The following TMEM62 variants were observed in gnomAD, a reference collection of about 807,000 sequenced individuals.
TMEM62 encodes the protein transmembrane protein 62.
A neutral mutation model predicts 70.4 loss-of-function variants in TMEM62; 41 were observed. The observed-to-expected ratio is 0.58, with a 90% CI of 0.45 to 0.76. The LOEUF (loss-of-function observed/expected upper bound fraction) is 0.76, where lower values mean the gene tolerates loss of function less well. TMEM62 is among the 30% of genes least tolerant of loss of function. The pLI, the probability that TMEM62 is intolerant of heterozygous loss-of-function variation, is 0.00. For synonymous variants in TMEM62, 268 were observed against 291.0 expected (o/e 0.92, Z 0.80); for missense variants, 688 against 788.5 (o/e 0.87, Z 1.53).
Position 43,184,522 on chromosome 15 carries a change from G to T in TMEM62, c.1868G>T (p.Trp623Leu). The stretch of plus-strand genomic sequence containing the variant: ...ACACCTGTTCTCATTCGTTATGTGT[G>T]GACACTGAACTCCACCAAGTTTGGA... ...LLTPVLIRYV[W>L]TLNSTKFGIF... Residue 623 changes from tryptophan (W) to leucine (L), a missense_variant, in exon 14 of 14, where the codon TGG becomes TTG. Physicochemically the swap from Trp to Leu is moderately conservative, Grantham distance 61 (BLOSUM62 -2). Coordinates refer to ENST00000260403, the MANE Select transcript of TMEM62 (RefSeq NM_024956.4). 1 of 1,613,376 alleles carries T rather than the reference G, an allele frequency of 6.2e-7. No homozygotes were observed. The highest frequency in any genetic ancestry group is 8.5e-7 in the Non-Finnish European group (1 of 1,180,030).
chr15:43,163,617 C>T (rs2039022071), intron 10 of TMEM62, among the ~76,000 whole-genome samples: 1 of 151,766 alleles, frequency 6.6e-6, no homozygotes, highest in African/African-American at 2.4e-5. Flanking sequence ...CCCGTCTCTA[C>T]TAAAAATACA....
At chr15:43,142,258 C>T (rs552161461) in intron 4 of TMEM62, among the ~76,000 whole-genome samples, 18 of 150,932 alleles carry the variant, frequency 1.2e-4, no homozygotes, top group Admixed American at 4.6e-4. Flanking sequence ...CTCCGCCTCC[C>T]GGGTTCAAGC....
At chr15:43,133,557 C>A, upstream of TMEM62, 1 of 358,514 alleles carries the variant, frequency 2.8e-6, no homozygotes, top group East Asian at 4.1e-5. Context: ...TTTCTGTGAT[C>A]GTATTACTTA....
chr15:43,184,274 C>T lies in TMEM62; in HGVS notation c.1620C>T (p.Asn540=). 1 of 1,610,810 alleles carries T rather than the reference C, an allele frequency of 6.2e-7. No individual in the cohort carries two copies. The highest frequency in any genetic ancestry group is 2.2e-5 in the East Asian group (1 of 44,842). Residue 540 remains asparagine, a synonymous_variant, in exon 14 of 14, where the codon AAC becomes AAT. Coordinates refer to ENST00000260403, the MANE Select transcript of TMEM62 (RefSeq NM_024956.4). ...TTCTTTTCCAGCTGGCGTTTTTTAACATCCCCTTGATGGCTTACATGTGTT... is the reference window on the plus strand; with the variant it reads ...TTCTTTTCCAGCTGGCGTTTTTTAATATCCCCTTGATGGCTTACATGTGTT... The part of the protein sequence containing the change: ...IIGILQLAFF[N]IPLMAYMCWS...
intron 11 of TMEM62, among the ~76,000 whole-genome samples, chr15:43,177,873 G>A (rs2040926725): frequency 6.6e-6 from 1 of 151,868 alleles, no homozygotes; most frequent in South Asian, 2.1e-4. Flanking sequence ...GGGAGGGATA[G>A]CATTAGGAGA....
chr15:43,160,933 AATAAG>A lies in TMEM62; in HGVS notation c.1296+143_1296+147del, dbSNP rs375028618. On this transcript the variant is annotated intron_variant, in intron 10 of 13. Transcript: ENST00000260403. ...TCCATGGTCTGAAAATATTATATAT[AATAAG>A]ATATTTTGAGAGACAGAGACCATAG... is the stretch of plus-strand genomic sequence containing the variant. 3,383 of 412,002 alleles carry A rather than the reference AATAAG, an allele frequency of 8.2e-3. 25 individuals carry two copies. Among genetic ancestry groups the A allele is most frequent in the Non-Finnish European group, 0.011 (2,649 of 234,910 alleles). The allele number at this position is 412,002 out of a possible 1,614,324, so 25.5% of individuals were successfully genotyped here. A position where few individuals can be genotyped will look rare whatever the true frequency, so the allele number is the denominator to read the frequency against.
chr15:43,137,497 A>G (rs1314767746), intron 3 of TMEM62, among the ~76,000 whole-genome samples: 2 of 152,278 alleles, frequency 1.3e-5, no homozygotes, highest in Non-Finnish European at 2.9e-5. Flanking sequence ...TAAAAGTGTT[A>G]TAGAAAGATG....
intron 9 of TMEM62, among the ~76,000 whole-genome samples, chr15:43,159,806 C>T (rs1411555211): frequency 6.6e-6 from 1 of 152,126 alleles, no homozygotes. Context: ...TATTTTGAGA[C>T]CGCAACCTGG....
Position 43,178,631 on chromosome 15 carries a change from C to G in TMEM62, c.1406C>G (p.Thr469Ser). 6.2e-7 allele frequency: 1 copy of G among 1,611,672 alleles called. No individual in the cohort carries two copies. Among genetic ancestry groups the G allele is most frequent in the Non-Finnish European group, 8.5e-7 (1 of 1,178,226 alleles). ...GAACCTTCAGGGTTTATAAATCTGA[C>G]CTCATTTTCTCTTCATGTCTTGAGC... is the stretch of plus-strand genomic sequence containing the variant. ...LKEPSGFINL[T>S]SFSLHVLSKI... Residue 469 changes from threonine (T) to serine (S), a missense_variant, in exon 12 of 14, where the codon ACC becomes AGC. Transcript: ENST00000260403.
At position 43,171,894 on chromosome 15, in the gene TMEM62, T is replaced by C. The variant is rs569413175; in HGVS notation, c.1381+2217T>C. Among the ~76,000 whole-genome samples, 19 of 152,258 alleles carry C rather than the reference T, an allele frequency of 1.2e-4. No individual in the cohort carries two copies. In the East Asian group the frequency reaches 3.7e-3, roughly 29 times the overall value. ...CACCCGCCTCAGCCTCCCAAAGTGC[T>C]GGGATTACAGGCATGAGCCACTGTG... On this transcript the variant is annotated intron_variant, in intron 11 of 13. Coordinates refer to ENST00000260403, the MANE Select transcript of TMEM62 (RefSeq NM_024956.4).
intron 11 of TMEM62, 73 bp downstream of exon 11, chr15:43,169,750 G>A: frequency 7.5e-7 from 1 of 1,335,878 alleles, no homozygotes; most frequent in Non-Finnish European, 1.1e-6. Flanking sequence ...ATATTTTAAA[G>A]AGGTTTATTC....
intron 8 of TMEM62, among the ~76,000 whole-genome samples, chr15:43,152,377 C>T (rs1001004731): frequency 2.0e-5 from 3 of 151,894 alleles, no homozygotes; most frequent in Admixed American, 2.0e-4. Context: ...ATTCAGTTGG[C>T]AAATGAATTT....
chr15:43,156,860 T>C (rs558143620), intron 9 of TMEM62, among the ~76,000 whole-genome samples: 2 of 152,300 alleles, frequency 1.3e-5, no homozygotes, highest in East Asian at 3.9e-4. Flanking sequence ...ATATGATACA[T>C]TTCCCTCAAA....
In TMEM62 at chr15:43,169,668, G is replaced by A. The variant is rs1448320810; in HGVS notation, c.1372G>A (p.Glu458Lys). Residue 458 changes from glutamate (E) to lysine (K), a missense_variant, in exon 11 of 14, where the codon GAG becomes AAG. Glu to Lys is a moderately conservative substitution (Grantham distance 56). Coordinates refer to ENST00000260403, the MANE Select transcript of TMEM62 (RefSeq NM_024956.4). ...TATTTTTAGATATCGAGGATACCCA[G>A]AGCTTAAAGGTTAGTTATGGTTCCT... ...LIIFRYRGYP[E>K]LKEPSGFINL... 1 of 1,613,592 alleles carries A rather than the reference G, an allele frequency of 6.2e-7. No individual in the cohort carries two copies. The highest frequency in any genetic ancestry group is 8.5e-7 in the Non-Finnish European group (1 of 1,179,698).
intron 11 of TMEM62, among the ~76,000 whole-genome samples, chr15:43,173,120 C>A (rs1307646053): frequency 2.0e-5 from 3 of 152,134 alleles, no homozygotes. Flanking sequence ...CCCAGCTACT[C>A]AGGAGGCTGA....
At chr15:43,136,538 G>C (rs1234130378) in intron 3 of TMEM62, among the ~76,000 whole-genome samples, 1 of 151,850 alleles carries the variant, frequency 6.6e-6, no homozygotes, top group Admixed American at 6.6e-5. Context: ...TTCGTCTCCC[G>C]AGTTCAAGCG....
At chr15:43,141,056 C>T (rs2035935613) in intron 4 of TMEM62, among the ~76,000 whole-genome samples, 6 of 152,224 alleles carry the variant, frequency 3.9e-5, no homozygotes, top group Admixed American at 3.9e-4. Context: ...ATACTTGCCT[C>T]CAATGGCATT....
chr15:43,155,600 AGAG>A (rs2037952193), intron 9 of TMEM62, among the ~76,000 whole-genome samples: 1 of 152,272 alleles, frequency 6.6e-6, no homozygotes, highest in Non-Finnish European at 1.5e-5. Context: ...AAAACTAGGC[AGAG>A]GAGAAGAGGA....
intron 13 of TMEM62, among the ~76,000 whole-genome samples, chr15:43,182,341 G>A (rs1019772982): frequency 5.0e-4 from 76 of 152,170 alleles, no homozygotes; most frequent in Admixed American, 4.0e-3. Context: ...AGCCAAGTAG[G>A]AAAGACTTCT....
Sources: gnomAD v4.1 joint callset for allele counts (sites outside exome capture counted in the v4.1 genomes callset) on GRCh38, gnomAD v4.1.1 for gene constraint, MANE v1.5 for transcripts, NCBI Gene and HGNC (gene_info 2026-07-23, HGNC 2026-07-21) for gene names.